EHBP1: variants seen among roughly 807,000 people sequenced by gnomAD.
EHBP1 encodes EH domain binding protein 1, also known as EH domain-binding protein 1.
A neutral mutation model predicts 144.0 loss-of-function variants in EHBP1; 55 were observed. That is an observed-to-expected ratio of 0.38 (90% CI 0.31 to 0.48). The LOEUF is 0.48. EHBP1 is among the 20% of genes least tolerant of loss of function. The pLI, the probability that EHBP1 is intolerant of heterozygous loss-of-function variation, is 0.98. For synonymous variants in EHBP1, 469 were observed against 472.7 expected (o/e 0.99, Z 0.10); for missense variants, 1,200 against 1,364.2 (o/e 0.88, Z 1.90).
At chr2:62,801,208 A>G (rs1380607800) in intron 5 of EHBP1, among the ~76,000 whole-genome samples, 1 of 152,236 alleles carries the variant, frequency 6.6e-6, no homozygotes, top group African/African-American at 2.4e-5. Context: ...GATATTCACT[A>G]TGCAAATTAC....
At chr2:62,890,329 C>A (rs1020928163) in intron 10 of EHBP1, among the ~76,000 whole-genome samples, 1 of 152,120 alleles carries the variant, frequency 6.6e-6, no homozygotes, top group Admixed American at 6.5e-5. Context: ...TTGCTTTGGG[C>A]AATATGGCCA....
At chr2:62,870,725 A>C (rs1367951507) in intron 9 of EHBP1, among the ~76,000 whole-genome samples, 1 of 148,720 alleles carries the variant, frequency 6.7e-6, no homozygotes, top group Non-Finnish European at 1.5e-5. Context: ...CAAAAAAAAA[A>C]AAAAAAAAAA....
At chr2:62,876,669 C>T (rs1005875932) in intron 10 of EHBP1, among the ~76,000 whole-genome samples, 9 of 152,064 alleles carry the variant, frequency 5.9e-5, no homozygotes, top group African/African-American at 1.9e-4. Context: ...AGGGAGGCCT[C>T]GGGAAACTTA....
upstream of EHBP1, among the ~76,000 whole-genome samples, chr2:62,703,489 GCTGCT>G (rs1301562429): frequency 3.3e-5 from 5 of 152,206 alleles, no homozygotes; most frequent in Non-Finnish European, 7.3e-5. Flanking sequence ...GGAAGAAGTA[GCTGCT>G]CTGTAGGGCC....
intron 1 of EHBP1, among the ~76,000 whole-genome samples, chr2:62,682,921 A>G (rs762138499): frequency 2.0e-5 from 3 of 152,214 alleles, no homozygotes; most frequent in Non-Finnish European, 4.4e-5. Context: ...ATGTAAATTT[A>G]ATACACACAA....
intron 5 of EHBP1, among the ~76,000 whole-genome samples, chr2:62,808,841 G>A (rs961923634): frequency 2.0e-5 from 3 of 152,116 alleles, no homozygotes; most frequent in Admixed American, 6.5e-5. Flanking sequence ...TATGAACTTC[G>A]TAAGTGTTTC....
chr2:62,793,776 T>C (rs1313264965), intron 5 of EHBP1, among the ~76,000 whole-genome samples: 1 of 152,114 alleles, frequency 6.6e-6, no homozygotes, highest in African/African-American at 2.4e-5. Context: ...TAAGTGTCTT[T>C]ATTCTCCAAT....
intron 10 of EHBP1, among the ~76,000 whole-genome samples, chr2:62,936,474 C>T (rs1329970621): frequency 3.3e-5 from 5 of 151,836 alleles, no homozygotes; most frequent in Non-Finnish European, 7.4e-5. Flanking sequence ...TTGCTTTTAC[C>T]TTTTTATTTT....
chr2:62,717,788 A>G (rs1056468632), intron 2 of EHBP1, among the ~76,000 whole-genome samples: 1 of 152,162 alleles, frequency 6.6e-6, no homozygotes, highest in Non-Finnish European at 1.5e-5. Flanking sequence ...CTATGTCTGA[A>G]AGAGTTTGTC....
rs773882977 is a variant in EHBP1, at chr2:62,948,483, A to G, written c.1637A>G (p.Gln546Arg). The G allele has an allele frequency of 6.2e-7, 1 of 1,613,370 alleles. No individual in the cohort carries two copies. Among genetic ancestry groups the G allele is most frequent in the South Asian group, 1.1e-5 (1 of 91,052 alleles). Residue 546 changes from glutamine (Q) to arginine (R), a missense_variant, in exon 13 of 23, where the codon CAA (glutamine) becomes CGA (arginine). By Grantham distance (43) the Gln-to-Arg change is conservative. Transcript: ENST00000431489. ...YETDTNSSVD[Q>R]EKFYAELSDL... ...ACAGATACAAACAGTTCTGTTGATC[A>G]AGAAAAATTCTATGCAGAGCTTAGT... is the stretch of plus-strand genomic sequence containing the variant.
At chr2:62,904,590 C>T (rs777094544) in intron 10 of EHBP1, among the ~76,000 whole-genome samples, 2 of 152,048 alleles carry the variant, frequency 1.3e-5, no homozygotes, top group Non-Finnish European at 2.9e-5. Context: ...TATCAAGGTC[C>T]CTTGGGGAAT....
At chr2:62,953,844 C>T (rs1469596101) in intron 13 of EHBP1, among the ~76,000 whole-genome samples, 1 of 151,830 alleles carries the variant, frequency 6.6e-6, no homozygotes, top group Non-Finnish European at 1.5e-5. Context: ...TGATTTTGGT[C>T]TTAAGACCAA....
chr2:62,764,061 A>G (rs1403985578), intron 3 of EHBP1, among the ~76,000 whole-genome samples: 5 of 152,072 alleles, frequency 3.3e-5, no homozygotes, highest in African/African-American at 9.7e-5. Flanking sequence ...TGATATAACT[A>G]TCTTGGCCCA....
chr2:62,916,832 A>G (rs2054655309), intron 10 of EHBP1, among the ~76,000 whole-genome samples: 1 of 149,992 alleles, frequency 6.7e-6, no homozygotes, highest in African/African-American at 2.4e-5. Flanking sequence ...ATTTTATTAA[A>G]ATATAAATAT....
chr2:62,918,546 C>A (rs917253118), intron 10 of EHBP1, among the ~76,000 whole-genome samples: 10 of 152,132 alleles, frequency 6.6e-5, no homozygotes, highest in African/African-American at 2.2e-4. Context: ...TTGCTGTGCC[C>A]TACATCTTTT....
intron 15 of EHBP1, among the ~76,000 whole-genome samples, chr2:62,987,299 C>T (rs1435780330): frequency 1.3e-5 from 2 of 152,002 alleles, no homozygotes; most frequent in Non-Finnish European, 2.9e-5. Context: ...TTCTCATTCC[C>T]GTATATTTAA....
intron 7 of EHBP1, among the ~76,000 whole-genome samples, chr2:62,848,426 A>G (rs966933685): frequency 6.6e-6 from 1 of 152,068 alleles, no homozygotes; most frequent in Non-Finnish European, 1.5e-5. Flanking sequence ...CTACCCTCTG[A>G]CCCATTTATT....
chr2:62,925,868 A>G (rs1434189404), intron 10 of EHBP1, among the ~76,000 whole-genome samples: 2 of 152,172 alleles, frequency 1.3e-5, no homozygotes, highest in Non-Finnish European at 2.9e-5. Context: ...CTATCAAAAT[A>G]CCAATTACAT....
chr2:62,897,319 C>G (rs1011337236), intron 10 of EHBP1, among the ~76,000 whole-genome samples: 2 of 152,136 alleles, frequency 1.3e-5, no homozygotes, highest in Non-Finnish European at 2.9e-5. Context: ...ATCTCTATTC[C>G]AGTATGTGGA....
Sources: allele counts gnomAD v4.1 joint callset (sites outside exome capture counted in the v4.1 genomes callset), GRCh38; gene constraint gnomAD v4.1.1; transcripts MANE v1.5; gene names NCBI Gene and HGNC (gene_info 2026-07-23, HGNC 2026-07-21).